The following ANKRD30B variants were observed in gnomAD, a reference collection of about 807,000 sequenced individuals.
ANKRD30B encodes the protein ankyrin repeat domain 30B.
ANKRD30B carries 144 observed loss-of-function variants against 202.2 expected under a neutral mutation model. The observed-to-expected ratio is 0.71, with a 90% CI of 0.62 to 0.82. ANKRD30B has a LOEUF of 0.82. Ranked by LOEUF, ANKRD30B falls within the 40% of genes least tolerant of loss-of-function variation. ANKRD30B has a pLI of 0.00. For synonymous variants in ANKRD30B, 508 were observed against 561.3 expected (o/e 0.91, Z 1.34); for missense variants, 1,487 against 1,669.1 (o/e 0.89, Z 1.90).
At chr18:14,876,072 C>A in the ANKRD30B span, among the ~76,000 whole-genome samples, 1 of 151,986 alleles carries the variant, frequency 6.6e-6, no homozygotes, top group Non-Finnish European at 1.5e-5. Flanking sequence ...ACTAATGTGC[C>A]TAAGCCTGGG....
intron 22 of ANKRD30B, among the ~76,000 whole-genome samples, chr18:14,800,094 T>C (rs540316703): frequency 6.6e-6 from 1 of 151,200 alleles, no homozygotes; most frequent in African/African-American, 2.4e-5. Flanking sequence ...TAGCCGGTTG[T>C]GGTGGTGGGT....
the ANKRD30B span, among the ~76,000 whole-genome samples, chr18:14,936,946 C>G: frequency 1.3e-5 from 2 of 152,184 alleles, no homozygotes; most frequent in African/African-American, 4.8e-5. Context: ...TGCACACTTT[C>G]TACCTCCAGT....
chr18:14,855,964 A>T (rs1053791937), downstream of ANKRD30B, among the ~76,000 whole-genome samples: 2 of 149,424 alleles, frequency 1.3e-5, no homozygotes, highest in African/African-American at 2.5e-5. Flanking sequence ...CACCTCCCAG[A>T]TGATGGGCAG....
chr18:14,925,782 G>A, the ANKRD30B span, among the ~76,000 whole-genome samples: 2 of 152,288 alleles, frequency 1.3e-5, no homozygotes, highest in South Asian at 2.1e-4. Flanking sequence ...CTCACACAGC[G>A]CCTGGAGCCA....
At chr18:14,835,266 A>G (rs1971122503) in intron 34 of ANKRD30B, among the ~76,000 whole-genome samples, 1 of 151,730 alleles carries the variant, frequency 6.6e-6, no homozygotes, top group Admixed American at 6.6e-5. Flanking sequence ...TAATATAGGT[A>G]TGTAATGGTA....
At chr18:14,892,086 A>G in the ANKRD30B span, among the ~76,000 whole-genome samples, 62 of 152,384 alleles carry the variant, frequency 4.1e-4, no homozygotes, top group South Asian at 2.3e-3. Flanking sequence ...AGGTCTTAGC[A>G]TTGTAAAATA....
the ANKRD30B span, among the ~76,000 whole-genome samples, chr18:14,881,989 T>C: frequency 6.6e-6 from 1 of 152,326 alleles, no homozygotes; most frequent in Non-Finnish European, 1.5e-5. Context: ...TTGGATTTTC[T>C]CTCTTCTTTT....
In ANKRD30B at chr18:14,840,550, T is replaced by TA. The variant is rs202020007; in HGVS notation, c.2989-31dup. 3.3e-3 allele frequency: 3,698 copies of TA among 1,111,286 alleles called. 110 individuals are homozygous for TA. In the African/African-American group the frequency reaches 0.056, roughly 17 times the overall value. The allele number at this position is 1,111,286 out of a possible 1,614,324, so 68.8% of individuals were successfully genotyped here. A position where few individuals can be genotyped will look rare whatever the true frequency, so the allele number is the denominator to read the frequency against. ...TCAGAAAAACAAAATTAAAAAATAG[T>TA]AAAAAAAGAAATTATTTATTAATAT... On this transcript the variant is annotated intron_variant, in intron 36 of 43. Coordinates refer to ENST00000690538, the MANE Select transcript of ANKRD30B (RefSeq NM_001367607.2).
At chr18:14,865,853 C>A in the ANKRD30B span, among the ~76,000 whole-genome samples, 1 of 152,214 alleles carries the variant, frequency 6.6e-6, no homozygotes, top group South Asian at 2.1e-4. Flanking sequence ...CTAAGCCGGG[C>A]TCAGAGCAGC....
chr18:14,860,982 C>T, the ANKRD30B span, among the ~76,000 whole-genome samples: 5 of 152,010 alleles, frequency 3.3e-5, no homozygotes, highest in Admixed American at 6.6e-5. Flanking sequence ...ATTACAGGTG[C>T]GAGCCACTGC....
intron 42 of ANKRD30B, among the ~76,000 whole-genome samples, chr18:14,853,449 G>A (rs1971968669): frequency 6.6e-6 from 1 of 151,834 alleles, no homozygotes; most frequent in Non-Finnish European, 1.5e-5. Context: ...GATTGAATAT[G>A]TGAGGAACTT....
At position 14,806,513 on chromosome 18, in the gene ANKRD30B, AG is replaced by A. The variant is rs1185412071; in HGVS notation, c.2285-2037del. Among the ~76,000 whole-genome samples, 166 of 151,098 alleles carry A rather than the reference AG, an allele frequency of 1.1e-3. 9 individuals are homozygous for A. Among genetic ancestry groups the A allele is most frequent in the African/African-American group, 3.8e-3 (156 of 40,928 alleles). On this transcript the variant is annotated intron_variant, in intron 24 of 43. Coordinates refer to ENST00000690538, the MANE Select transcript of ANKRD30B (RefSeq NM_001367607.2). ...ATCTCCAGTGTACCCCTTTATAAAA[AG>A]AAAGTAATTTAAAAAAATAACGAAG...
chr18:14,904,646 G>T, the ANKRD30B span, among the ~76,000 whole-genome samples: 1 of 152,168 alleles, frequency 6.6e-6, no homozygotes, highest in East Asian at 1.9e-4. Context: ...TTCCTCTGTT[G>T]ATGAAAAAGC....
At chr18:14,818,616 G>T (rs1295730943) in intron 30 of ANKRD30B, among the ~76,000 whole-genome samples, 1 of 149,084 alleles carries the variant, frequency 6.7e-6, no homozygotes, top group Non-Finnish European at 1.5e-5. Flanking sequence ...GCGGTGTTTG[G>T]TTTCTTGTTC....
chr18:14,774,987 C>T (rs1190348305), intron 9 of ANKRD30B, among the ~76,000 whole-genome samples: 1 of 152,098 alleles, frequency 6.6e-6, no homozygotes, highest in African/African-American at 2.4e-5. Flanking sequence ...AGTAGACGGG[C>T]GTGGTGGCGG....
At chr18:14,886,153 G>T in the ANKRD30B span, among the ~76,000 whole-genome samples, 1 of 151,720 alleles carries the variant, frequency 6.6e-6, no homozygotes, top group Non-Finnish European at 1.5e-5. Context: ...TATCTCAATA[G>T]AAATCAAAAA....
chr18:14,829,271 T>G (rs772726973), intron 33 of ANKRD30B, among the ~76,000 whole-genome samples: 1 of 152,152 alleles, frequency 6.6e-6, no homozygotes, highest in Non-Finnish European at 1.5e-5. Flanking sequence ...CTGGAAAAAT[T>G]GTTGTTCACA....
rs1257373405 is a variant in ANKRD30B at position 14,854,310 on chromosome 18, A to G, written c.*152A>G. On this transcript the variant is annotated 3_prime_UTR_variant, in exon 44 of 44. Transcript: ENST00000690538. ...ATTTACTTCCCAAGATAGGATGTAC[A>G]GAACTAAAATGATAAAAGTCATATA... is the stretch of plus-strand genomic sequence containing the variant. 6.6e-6 allele frequency among the ~76,000 whole-genome samples: 1 copy of G among 152,230 alleles called. No individual in the cohort carries two copies. Among genetic ancestry groups the G allele is most frequent in the African/African-American group, 2.4e-5 (1 of 41,464 alleles).
the ANKRD30B span, chr18:14,883,433 A>G: frequency 9.1e-6 from 1 of 110,350 alleles, no homozygotes; most frequent in Middle Eastern, 4.5e-3. Flanking sequence ...ATATCTATAT[A>G]TATCTCCTGT....
Sources: allele counts gnomAD v4.1 joint callset (sites outside exome capture counted in the v4.1 genomes callset), GRCh38; gene constraint gnomAD v4.1.1; transcripts MANE v1.5; gene names NCBI Gene and HGNC (gene_info 2026-07-23, HGNC 2026-07-21).